Variants in RAPGEF4 observed in about 807,000 individuals in gnomAD.
RAPGEF4 encodes the protein Rap guanine nucleotide exchange factor 4, also known as RAP guanine-nucleotide-exchange factor (GEF) 4.
RAPGEF4 carries 66 observed loss-of-function variants against 147.9 expected under a neutral mutation model. That is an observed-to-expected ratio of 0.45 (90% confidence interval 0.37 to 0.55). The LOEUF (loss-of-function observed/expected upper bound fraction) is 0.55, where lower values mean the gene tolerates loss of function less well. Among genes scored for constraint, RAPGEF4 ranks in the 20% least tolerant of loss-of-function variants. RAPGEF4 has a pLI of 0.00. For missense variants in RAPGEF4, 1,071 were observed against 1,257.3 expected (o/e 0.85, Z 2.24); for synonymous variants, 419 against 442.7 (o/e 0.95, Z 0.67).
At chr2:172,748,242 C>A (rs965133195) in intron 1 of RAPGEF4, among the ~76,000 whole-genome samples, 1 of 152,106 alleles carries the variant, frequency 6.6e-6, no homozygotes, top group Non-Finnish European at 1.5e-5. Flanking sequence ...TTTTGAGGAT[C>A]CTCCATAAGT....
At chr2:172,918,371 CCACACACACACACACACACA>C (rs377074360) in intron 5 of RAPGEF4, among the ~76,000 whole-genome samples, 1 of 137,638 alleles carries the variant, frequency 7.3e-6, no homozygotes, top group Non-Finnish European at 1.5e-5. Context: ...GATGCTCTTA[CCACACACACACACACACACA>C]CACACACACA....
At chr2:172,821,876 C>T (rs757018112) in intron 4 of RAPGEF4, 43 of 1,590,040 alleles carry the variant, frequency 2.7e-5, no homozygotes, top group Admixed American at 5.1e-5. Context: ...AGGGAATGAA[C>T]GGCAATGAAG....
At chr2:172,748,090 G>T (rs1202640009) in intron 1 of RAPGEF4, among the ~76,000 whole-genome samples, 1 of 152,066 alleles carries the variant, frequency 6.6e-6, no homozygotes, top group Non-Finnish European at 1.5e-5. Context: ...CAGACATTTA[G>T]GTTGTTTTCT....
At position 172,988,378 on chromosome 2, in the gene RAPGEF4, C is replaced by T. The variant is rs554418133; in HGVS notation, c.1227+106C>T. On this transcript the variant is annotated intron_variant, in intron 13 of 30. Transcript: ENST00000397081. ...CAATTAAATTTGCAACAACATTGCT[C>T]CTAGATGTAGAAAAGACATTATTGT... 10 of 1,465,274 alleles carry T rather than the reference C, an allele frequency of 6.8e-6. No homozygotes were observed. The East Asian group carries it at 2.1e-4, about 31-fold the overall frequency. 90.8% of individuals were successfully genotyped at this position (1,465,274 alleles called of 1,614,324 possible).
In RAPGEF4 at chr2:172,998,482, G is replaced by A. The variant is rs565791944; in HGVS notation, c.1579+1928G>A. The stretch of plus-strand genomic sequence containing the variant: ...TAATCCCAGCACTTTGGGGGCCAAG[G>A]CGGGAGGATCACTGGAGCCCAGGAG... On this transcript the variant is annotated intron_variant, in intron 16 of 30. Transcript: ENST00000397081. 1.8e-3 allele frequency among the ~76,000 whole-genome samples: 268 copies of A among 152,334 alleles called. 1 individual carries two copies. The highest frequency in any genetic ancestry group is 3.7e-3 in the Admixed American group (57 of 15,296).
At chr2:172,952,944 G>A (rs186172881) in intron 6 of RAPGEF4, among the ~76,000 whole-genome samples, 1 of 152,282 alleles carries the variant, frequency 6.6e-6, no homozygotes, top group Admixed American at 6.5e-5. Flanking sequence ...ATGTTGCGGA[G>A]AAACTTGAAC....
chr2:172,982,991 A>T (rs1006919924), intron 10 of RAPGEF4, among the ~76,000 whole-genome samples: 1 of 152,162 alleles, frequency 6.6e-6, no homozygotes, highest in African/African-American at 2.4e-5. Flanking sequence ...CCTATATTTG[A>T]GTCCTTCGGA....
At chr2:172,874,245 AC>A (rs1263116015) in intron 4 of RAPGEF4, among the ~76,000 whole-genome samples, 1 of 152,152 alleles carries the variant, frequency 6.6e-6, no homozygotes, top group Admixed American at 6.5e-5. Flanking sequence ...AGACACGTGC[AC>A]GTGTATTTTT....
At chr2:172,876,474 C>G (rs374538252) in intron 4 of RAPGEF4, among the ~76,000 whole-genome samples, 44 of 152,172 alleles carry the variant, frequency 2.9e-4, no homozygotes, top group Middle Eastern at 3.4e-3. Flanking sequence ...GTTGAATTTT[C>G]TCAAAGGCCT....
At chr2:173,027,029 G>A in intron 24 of RAPGEF4, 52 bp from the exon 25 acceptor site, 2 of 1,452,954 alleles carry the variant, frequency 1.4e-6, no homozygotes, top group Non-Finnish European at 1.9e-6. Flanking sequence ...GAAACCTGCT[G>A]GTGTTTTGAT....
chr2:173,017,855 A>G (rs1020687925), intron 21 of RAPGEF4, among the ~76,000 whole-genome samples: 1 of 152,134 alleles, frequency 6.6e-6, no homozygotes. Flanking sequence ...ACAATGGATC[A>G]CCAGCATCCT....
chr2:172,966,022 C>T (rs1016866425), intron 9 of RAPGEF4, among the ~76,000 whole-genome samples: 1 of 152,148 alleles, frequency 6.6e-6, no homozygotes, highest in African/African-American at 2.4e-5. Flanking sequence ...GATGCAGGGG[C>T]AGAATGAAGA....
intron 1 of RAPGEF4, among the ~76,000 whole-genome samples, chr2:172,741,788 C>G (rs1009086352): frequency 6.6e-6 from 1 of 152,222 alleles, no homozygotes; most frequent in Non-Finnish European, 1.5e-5. Context: ...CCTCCTGCCT[C>G]AGCTTCCTGA....
At chr2:172,760,128 C>CTTTCAGT (rs1474502296) in intron 1 of RAPGEF4, among the ~76,000 whole-genome samples, 1 of 152,188 alleles carries the variant, frequency 6.6e-6, no homozygotes, top group East Asian at 1.9e-4. Context: ...TTTCAGATAA[C>CTTTCAGT]TGCTCTACTA....
chr2:172,999,046 C>A (rs1022276891), intron 16 of RAPGEF4, among the ~76,000 whole-genome samples: 8 of 152,122 alleles, frequency 5.3e-5, no homozygotes, highest in Non-Finnish European at 7.3e-5. Context: ...CTGTTCCTTG[C>A]AGAGCAGGGC....
intron 4 of RAPGEF4, among the ~76,000 whole-genome samples, chr2:172,819,321 AG>A (rs901719197): frequency 6.6e-6 from 1 of 152,186 alleles, no homozygotes; most frequent in Admixed American, 6.5e-5. Context: ...AATATTAACC[AG>A]GGTATAAAAC....
intron 27 of RAPGEF4, among the ~76,000 whole-genome samples, chr2:173,034,227 GC>G (rs767978521): frequency 2.0e-5 from 3 of 152,212 alleles, no homozygotes; most frequent in Non-Finnish European, 4.4e-5. Context: ...TCTCCATCCA[GC>G]TCAGGTTGGC....
chr2:172,981,705 A>G (rs1691703699), intron 10 of RAPGEF4, among the ~76,000 whole-genome samples: 2 of 152,272 alleles, frequency 1.3e-5, no homozygotes, highest in Non-Finnish European at 1.5e-5. Context: ...TTGGGAAGGT[A>G]CTGTGCAAAG....
chr2:172,805,687 A>G (rs557793069), intron 3 of RAPGEF4, among the ~76,000 whole-genome samples: 1 of 152,250 alleles, frequency 6.6e-6, no homozygotes, highest in East Asian at 1.9e-4. Context: ...TAATCCTTCC[A>G]TTTCGCCAAT....
Sources: allele counts gnomAD v4.1 joint callset (sites outside exome capture counted in the v4.1 genomes callset), GRCh38; gene constraint gnomAD v4.1.1; transcripts MANE v1.5; gene names NCBI Gene and HGNC (gene_info 2026-07-23, HGNC 2026-07-21).